Variants in SPAG16 observed in about 807,000 individuals in gnomAD.
SPAG16 encodes sperm associated antigen 16, also known as sperm-associated antigen 16 protein.
SPAG16 carries 86 observed loss-of-function variants against 80.4 expected under a neutral mutation model. The ratio of observed to expected loss-of-function variants is 1.07; its 90% CI spans 0.90 to 1.28. The LOEUF is 1.28. Among genes scored for constraint, SPAG16 ranks in the 50% most tolerant of loss-of-function variants. The pLI is 0.00. For missense variants in SPAG16, 870 were observed against 765.3 expected, an observed-to-expected ratio of 1.14 and a Z score of -1.61; for synonymous variants, 294 against 265.9, an observed-to-expected ratio of 1.11 and a Z score of -1.03.
intron 15 of SPAG16, among the ~76,000 whole-genome samples, chr2:214,185,613 A>T (rs2057442632): frequency 6.6e-6 from 1 of 152,110 alleles, no homozygotes; most frequent in Non-Finnish European, 1.5e-5. Flanking sequence ...TTAAATTTCG[A>T]AGAATGGACA....
intron 1 of SPAG16, among the ~76,000 whole-genome samples, chr2:213,289,632 T>G (rs946964919): frequency 3.3e-5 from 5 of 152,274 alleles, no homozygotes; most frequent in African/African-American, 9.6e-5. Flanking sequence ...GGACCAAGAC[T>G]ATGATATTTG....
intron 13 of SPAG16, among the ~76,000 whole-genome samples, chr2:214,090,829 A>C (rs1424445673): frequency 6.6e-6 from 1 of 152,028 alleles, no homozygotes; most frequent in Non-Finnish European, 1.5e-5. Flanking sequence ...GTCCTTTGAG[A>C]GTAAAAATAT....
In SPAG16 at chr2:214,236,274, T is replaced by C. The variant is rs80308520; in HGVS notation, c.1720+87008T>C. On this transcript the variant is annotated intron_variant, in intron 15 of 15. Transcript: ENST00000331683. ...ATAGATACAGTTTAAGCTGCTCAAG[T>C]TTAACACAGTAAAAATGATAAGAGC... 5.0e-3 allele frequency among the ~76,000 whole-genome samples: 761 copies of C among 152,272 alleles called. 5 individuals are homozygous for C. Among genetic ancestry groups the C allele is most frequent in the African/African-American group, 0.017 (720 of 41,554 alleles).
intron 15 of SPAG16, among the ~76,000 whole-genome samples, chr2:214,296,205 A>G (rs143987183): frequency 6.6e-6 from 1 of 152,278 alleles, no homozygotes; most frequent in Admixed American, 6.5e-5. Flanking sequence ...CCCCAACTTT[A>G]CTCATGTAGC....
At chr2:213,417,551 T>A (rs1575537864) in intron 9 of SPAG16, among the ~76,000 whole-genome samples, 1 of 152,254 alleles carries the variant, frequency 6.6e-6, no homozygotes, top group East Asian at 1.9e-4. Flanking sequence ...ATAGAACTAT[T>A]CCTGCTGATT....
In SPAG16 at chr2:213,930,064, G is replaced by C; in HGVS notation, c.1319G>C (p.Trp440Ser). 7 of 1,614,086 alleles carry C rather than the reference G, an allele frequency of 4.3e-6. No homozygotes were observed. The highest frequency in any genetic ancestry group is 5.1e-6 in the Non-Finnish European group (6 of 1,179,964). The change falls in exon 12 of 16, where the codon TGG (tryptophan) becomes TCG (serine). Residue 440 changes from tryptophan (W) to serine (S), a missense_variant. Coordinates refer to ENST00000331683, the MANE Select transcript of SPAG16 (RefSeq NM_024532.5). ...LTFEGHSRAV[W>S]SCTWHSCGNF... ...TTTGAAGGACACAGCCGCGCAGTGT[G>C]GTCCTGCACATGGCACTCCTGCGGC...
chr2:213,698,585 C>T (rs372255477), intron 10 of SPAG16, among the ~76,000 whole-genome samples: 1 of 152,294 alleles, frequency 6.6e-6, no homozygotes, highest in Non-Finnish European at 1.5e-5. Flanking sequence ...TAACAGGGCT[C>T]TACTTTTTTC....
At chr2:214,122,005 T>C (rs548402911) in intron 14 of SPAG16, among the ~76,000 whole-genome samples, 3 of 151,952 alleles carry the variant, frequency 2.0e-5, no homozygotes, top group South Asian at 4.1e-4. Flanking sequence ...CTATTGTTAA[T>C]GGAGATAATG....
chr2:213,572,477 G>A (rs2059946911), intron 10 of SPAG16, among the ~76,000 whole-genome samples: 1 of 149,472 alleles, frequency 6.7e-6, no homozygotes, highest in South Asian at 2.1e-4. Context: ...TCAGCTGCAG[G>A]TCTGTTGGAG....
intron 10 of SPAG16, among the ~76,000 whole-genome samples, chr2:213,498,984 T>C (rs923927785): frequency 2.0e-5 from 3 of 152,182 alleles, no homozygotes; most frequent in East Asian, 1.9e-4. Flanking sequence ...GCCATCATAG[T>C]AGTCTTTCTA....
chr2:213,701,379 G>T (rs183384035), intron 10 of SPAG16, among the ~76,000 whole-genome samples: 1 of 152,168 alleles, frequency 6.6e-6, no homozygotes, highest in East Asian at 1.9e-4. Context: ...TAATAACAAT[G>T]ATAACGAGAG....
intron 15 of SPAG16, among the ~76,000 whole-genome samples, chr2:214,298,499 G>A (rs1694316096): frequency 6.6e-6 from 1 of 152,000 alleles, no homozygotes; most frequent in African/African-American, 2.4e-5. Context: ...ATTGGTAAGT[G>A]GAACCTAAAG....
At chr2:213,286,391 C>T (rs1324586012) in intron 1 of SPAG16, among the ~76,000 whole-genome samples, 1 of 152,122 alleles carries the variant, frequency 6.6e-6, no homozygotes, top group Non-Finnish European at 1.5e-5. Flanking sequence ...TTAGTCATTT[C>T]AACTCTCAGT....
At chr2:213,404,664 T>A (rs1414956827) in intron 9 of SPAG16, among the ~76,000 whole-genome samples, 1 of 152,196 alleles carries the variant, frequency 6.6e-6, no homozygotes, top group African/African-American at 2.4e-5. Context: ...ACTTCATGTC[T>A]AAAACACCAA....
intron 10 of SPAG16, among the ~76,000 whole-genome samples, chr2:213,671,714 C>T (rs2063818621): frequency 6.6e-6 from 1 of 152,170 alleles, no homozygotes; most frequent in Non-Finnish European, 1.5e-5. Flanking sequence ...AGCACCGCAC[C>T]TTTGGTATAA....
intron 10 of SPAG16, among the ~76,000 whole-genome samples, chr2:213,805,955 TA>T (rs2071741701): frequency 1.3e-5 from 2 of 152,200 alleles, no homozygotes; most frequent in Admixed American, 1.3e-4. Flanking sequence ...TTTAAAAGCT[TA>T]CTTTAGATAT....
At chr2:214,003,144 C>T (rs1026590169) in intron 12 of SPAG16, among the ~76,000 whole-genome samples, 2 of 152,076 alleles carry the variant, frequency 1.3e-5, no homozygotes, top group African/African-American at 2.4e-5. Context: ...CCCGTGTGAA[C>T]CAGTACGAGT....
At chr2:213,950,972 A>G (rs906843334) in intron 12 of SPAG16, among the ~76,000 whole-genome samples, 4 of 150,488 alleles carry the variant, frequency 2.7e-5, no homozygotes, top group Non-Finnish European at 5.9e-5. Flanking sequence ...TTGGCCTCCC[A>G]AAGTGTTGGG....
chr2:214,043,275 A>G (rs1040667274), intron 13 of SPAG16, among the ~76,000 whole-genome samples: 4 of 152,108 alleles, frequency 2.6e-5, no homozygotes, highest in African/African-American at 7.2e-5. Flanking sequence ...AGCCTGATAT[A>G]TCCTGGTTTC....
Sources: gnomAD v4.1 joint callset for allele counts (sites outside exome capture counted in the v4.1 genomes callset) on GRCh38, gnomAD v4.1.1 for gene constraint, MANE v1.5 for transcripts, NCBI Gene and HGNC (gene_info 2026-07-23, HGNC 2026-07-21) for gene names.